The following PRDM16 variants were observed in gnomAD, a reference collection of about 807,000 sequenced individuals.
PRDM16 encodes histone-lysine N-methyltransferase PRDM16.
PRDM16 carries 23 observed loss-of-function variants against 110.6 expected under a neutral mutation model. That is an observed-to-expected ratio of 0.21 (90% CI 0.15 to 0.29). The LOEUF (loss-of-function observed/expected upper bound fraction) is 0.29. Ranked by LOEUF, PRDM16 falls within the 10% of genes least tolerant of loss-of-function variation. The probability of loss-of-function intolerance (pLI) is 1.00; values close to 1 mark genes in which losing one functional copy is unlikely to be tolerated. For missense variants in PRDM16, 1,615 were observed against 1,794.3 expected (o/e 0.90, Z 1.81); for synonymous variants, 799 against 781.8 (o/e 1.02, Z -0.37).
intron 3 of PRDM16, among the ~76,000 whole-genome samples, chr1:3,299,921 G>C (rs1186852849): frequency 1.2e-5 from 1 of 86,738 alleles, no homozygotes; most frequent in South Asian, 4.9e-4. Flanking sequence ...TGATGTTTCA[G>C]ATCCCAGTCA....
At chr1:3,258,495 CTG>C (rs1198653350) in intron 3 of PRDM16, among the ~76,000 whole-genome samples, 1 of 152,196 alleles carries the variant, frequency 6.6e-6, no homozygotes, top group African/African-American at 2.4e-5. Flanking sequence ...CATTGGGAAA[CTG>C]TTTCTTCTTG....
At chr1:3,404,996 C>T (rs912547715) in intron 7 of PRDM16, 110 bp downstream of exon 7, 1 of 1,252,666 alleles carries the variant, frequency 8.0e-7, no homozygotes, top group Non-Finnish European at 1.1e-6. Context: ...TGGAGTGCGG[C>T]AGAGTGGGTA....
intron 3 of PRDM16, among the ~76,000 whole-genome samples, chr1:3,277,390 G>A (rs533220500): frequency 2.6e-5 from 4 of 152,240 alleles, no homozygotes; most frequent in Admixed American, 1.3e-4. Context: ...CGGGAAGGCT[G>A]CAGGGAACCC....
At position 3,411,371 on chromosome 1, in the gene PRDM16, G is replaced by A; in HGVS notation, c.1187-13G>A. The stretch of plus-strand genomic sequence containing the variant: ...TTCATGCGGGTTTGTCTTGGCTTCT[G>A]CTGATGTTTTAGGTGAGGTCTGCCA... On this transcript the variant is annotated splice_polypyrimidine_tract_variant and intron_variant, in intron 8 of 16. Coordinates refer to ENST00000270722, the MANE Select transcript of PRDM16 (RefSeq NM_022114.4). 6.3e-7 allele frequency: 1 copy of A among 1,593,226 alleles called. No individual in the cohort carries two copies. The highest frequency in any genetic ancestry group is 1.1e-5 in the South Asian group (1 of 90,266).
chr1:3,086,293 T>A (rs1642149672), intron 1 of PRDM16, among the ~76,000 whole-genome samples: 1 of 152,096 alleles, frequency 6.6e-6, no homozygotes, highest in Admixed American at 6.5e-5. Flanking sequence ...GCGCACCTGC[T>A]GCGACCCCCA....
intron 1 of PRDM16, among the ~76,000 whole-genome samples, chr1:3,165,248 C>G (rs1350228071): frequency 7.1e-6 from 1 of 140,534 alleles, no homozygotes; most frequent in Non-Finnish European, 1.6e-5. Flanking sequence ...CAGTGACTTA[C>G]CTGGGCTCAG....
chr1:3,287,810 C>T (rs1471113128), intron 3 of PRDM16, among the ~76,000 whole-genome samples: 1 of 149,666 alleles, frequency 6.7e-6, no homozygotes, highest in African/African-American at 2.5e-5. Flanking sequence ...GCCACGTGGG[C>T]ATCCAGGATT....
chr1:3,280,226 C>T (rs369874907), intron 3 of PRDM16, among the ~76,000 whole-genome samples: 38 of 152,260 alleles, frequency 2.5e-4, no homozygotes, highest in Middle Eastern at 6.8e-3. Flanking sequence ...GAAGCCGACT[C>T]TGTGTGTTCG....
intron 4 of PRDM16, among the ~76,000 whole-genome samples, chr1:3,391,851 G>T (rs896282257): frequency 6.6e-6 from 1 of 152,238 alleles, no homozygotes; most frequent in Non-Finnish European, 1.5e-5. Context: ...GCGTGCACAG[G>T]GTAGGGAGAA....
In PRDM16 at chr1:3,438,365, A is replaced by T. The variant is rs1478155218; in HGVS notation, c.*4554A>T. ...GGCGCAGTTCCCAATTAATACGGAA[A>T]TCGCTGTGGGAGAAGAATGAAATAA... On this transcript the variant is annotated 3_prime_UTR_variant, in exon 17 of 17. Transcript: ENST00000270722. 2.0e-5 allele frequency: 4 copies of T among 202,676 alleles called. No homozygotes were observed. The highest frequency in any genetic ancestry group is 4.6e-5 in the African/African-American group (2 of 43,608). The allele number at this position is 202,676 out of a possible 1,614,324, so 12.6% of individuals were successfully genotyped here. A position where few individuals can be genotyped will look rare whatever the true frequency, so the allele number is the denominator to read the frequency against.
At chr1:3,072,751 C>T (rs765302097) in intron 1 of PRDM16, among the ~76,000 whole-genome samples, 61 of 152,206 alleles carry the variant, frequency 4.0e-4, no homozygotes, top group Admixed American at 2.4e-3. Flanking sequence ...AGCGCCAGGA[C>T]GTCCGGCGGG....
chr1:3,222,271 G>A (rs993701071), intron 2 of PRDM16, among the ~76,000 whole-genome samples: 8 of 145,118 alleles, frequency 5.5e-5, no homozygotes, highest in African/African-American at 2.0e-4. Context: ...GACGACAGAT[G>A]TAATTCCCCT....
intron 12 of PRDM16, among the ~76,000 whole-genome samples, chr1:3,422,105 GTGGACAGACAGA>G (rs1168178548): frequency 6.7e-6 from 1 of 149,324 alleles, no homozygotes; most frequent in Non-Finnish European, 1.5e-5. Context: ...AGATAGGCAG[GTGGACAGACAGA>G]TGGACAGACA....
At chr1:3,337,515 A>G (rs1018702304) in intron 3 of PRDM16, among the ~76,000 whole-genome samples, 9 of 152,180 alleles carry the variant, frequency 5.9e-5, no homozygotes, top group African/African-American at 1.7e-4. Context: ...CAGGTCACCA[A>G]GACATCATCA....
intron 3 of PRDM16, among the ~76,000 whole-genome samples, chr1:3,292,997 G>A (rs1641011163): frequency 6.6e-6 from 1 of 152,260 alleles, no homozygotes; most frequent in Non-Finnish European, 1.5e-5. Flanking sequence ...CTCTTGAGGA[G>A]CCTCAGTTCG....
intron 3 of PRDM16, among the ~76,000 whole-genome samples, chr1:3,272,962 G>A (rs1640492075): frequency 6.6e-6 from 1 of 152,254 alleles, no homozygotes; most frequent in Non-Finnish European, 1.5e-5. Context: ...CACATGGTGG[G>A]GACCTGGTCA....
chr1:3,091,087 C>A (rs1228659965), intron 1 of PRDM16, among the ~76,000 whole-genome samples: 1 of 152,258 alleles, frequency 6.6e-6, no homozygotes, highest in African/African-American at 2.4e-5. Context: ...GGCTTCTTCT[C>A]TAAATGCCAA....
intron 2 of PRDM16, among the ~76,000 whole-genome samples, chr1:3,203,109 C>A (rs1638671841): frequency 1.3e-5 from 2 of 152,208 alleles, no homozygotes; most frequent in African/African-American, 4.8e-5. Flanking sequence ...AGGGCAATTG[C>A]ACACCACCCC....
At chr1:3,348,160 T>TG (rs1190253307) in intron 3 of PRDM16, among the ~76,000 whole-genome samples, 1 of 152,088 alleles carries the variant, frequency 6.6e-6, no homozygotes, top group Non-Finnish European at 1.5e-5. Flanking sequence ...CGTCCCAGCC[T>TG]GGGGGGTCTG....
Sources: allele counts gnomAD v4.1 joint callset (sites outside exome capture counted in the v4.1 genomes callset), GRCh38; gene constraint gnomAD v4.1.1; transcripts MANE v1.5; gene names NCBI Gene and HGNC (gene_info 2026-07-23, HGNC 2026-07-21).